The following CERS3 variants were observed in gnomAD, a reference collection of about 807,000 sequenced individuals.
The protein encoded by CERS3 is ceramide synthase 3, also known as LAG1 homolog, ceramide synthase 3.
CERS3 carries 33 observed loss-of-function variants against 50.3 expected under a neutral mutation model. The ratio of observed to expected loss-of-function variants is 0.66; its 90% CI spans 0.50 to 0.88. The LOEUF (loss-of-function observed/expected upper bound fraction) is 0.88. Ranked by LOEUF, CERS3 falls within the 40% of genes least tolerant of loss-of-function variation. The probability of loss-of-function intolerance (pLI) is 0.00; values close to 1 mark genes in which losing one functional copy is unlikely to be tolerated. For synonymous variants in CERS3, 176 were observed against 155.2 expected (o/e 1.13, Z -0.99); for missense variants, 470 against 460.3 (o/e 1.02, Z -0.19).
At chr15:100,478,004 T>C (rs2035184971) in intron 7 of CERS3, among the ~76,000 whole-genome samples, 1 of 152,150 alleles carries the variant, frequency 6.6e-6, no homozygotes, top group African/African-American at 2.4e-5. Context: ...ATCTATACTT[T>C]TTTGTATACA....
At chr15:100,402,977 C>A (rs1218345256) in intron 11 of CERS3, 112 bp from the exon 12 acceptor site, 4 of 1,045,518 alleles carry the variant, frequency 3.8e-6, no homozygotes, top group Non-Finnish European at 4.1e-6. Context: ...ACCCAATATC[C>A]AAATAACTAA....
At chr15:100,436,252 G>T (rs1011795123) in intron 11 of CERS3, among the ~76,000 whole-genome samples, 2 of 152,146 alleles carry the variant, frequency 1.3e-5, no homozygotes, top group African/African-American at 4.8e-5. Context: ...ACTGGATAAA[G>T]AAAATGTGGC....
intron 1 of CERS3, among the ~76,000 whole-genome samples, chr15:100,526,042 G>C (rs543546298): frequency 1.3e-5 from 2 of 152,290 alleles, no homozygotes; most frequent in African/African-American, 2.4e-5. Flanking sequence ...ATTCCAGAGA[G>C]AGCTTCTCTG....
intron 5 of CERS3, among the ~76,000 whole-genome samples, chr15:100,480,773 T>C (rs1008183808): frequency 6.6e-6 from 1 of 152,204 alleles, no homozygotes; most frequent in African/African-American, 2.4e-5. Flanking sequence ...AAAGAGTTCT[T>C]ATCTTTTCGA....
At chr15:100,472,174 G>T (rs2034989357) in intron 9 of CERS3, among the ~76,000 whole-genome samples, 1 of 152,138 alleles carries the variant, frequency 6.6e-6, no homozygotes, top group Non-Finnish European at 1.5e-5. Context: ...ATTTCCCCTG[G>T]ATTCATTATA....
At chr15:100,506,888 A>T (rs2036201652) in intron 2 of CERS3, among the ~76,000 whole-genome samples, 1 of 152,234 alleles carries the variant, frequency 6.6e-6, no homozygotes, top group Non-Finnish European at 1.5e-5. Context: ...CTGTAAATAT[A>T]CTAAAAAATA....
At chr15:100,472,347 TTTC>T (rs2034996259) in intron 9 of CERS3, among the ~76,000 whole-genome samples, 1 of 152,144 alleles carries the variant, frequency 6.6e-6, no homozygotes, top group Non-Finnish European at 1.5e-5. Flanking sequence ...CGTGGCTTTG[TTTC>T]TTCTATTTTG....
chr15:100,496,117 T>C (rs891041566), intron 3 of CERS3, among the ~76,000 whole-genome samples: 2 of 152,234 alleles, frequency 1.3e-5, no homozygotes, highest in South Asian at 2.1e-4. Context: ...TTCCTCTTCA[T>C]TGCAGAACAA....
At chr15:100,405,056 G>A (rs1282577107) in intron 11 of CERS3, among the ~76,000 whole-genome samples, 1 of 151,908 alleles carries the variant, frequency 6.6e-6, no homozygotes, top group East Asian at 1.9e-4. Flanking sequence ...TCTTAAACAC[G>A]GCACTAAAAA....
intron 11 of CERS3, among the ~76,000 whole-genome samples, chr15:100,431,049 T>C (rs2033106804): frequency 2.0e-5 from 3 of 152,214 alleles, no homozygotes; most frequent in Admixed American, 6.5e-5. Context: ...ATATTGTATT[T>C]CTAGCAGTCC....
intron 11 of CERS3, chr15:100,438,007 G>C (rs1193153464): frequency 1.4e-5 from 2 of 146,810 alleles, no homozygotes; most frequent in Non-Finnish European, 3.0e-5. Flanking sequence ...CTATGATCTT[G>C]ATTACTCATC....
Position 100,450,373 on chromosome 15 carries a change from G to A in CERS3, c.999+5520C>T, listed in dbSNP as rs185874659. 1.4e-3 allele frequency among the ~76,000 whole-genome samples: 194 copies of A among 143,610 alleles called. 1 individual carries two copies. The highest frequency in any genetic ancestry group is 4.2e-3 in the African/African-American group (162 of 38,160). The allele number at this position is 143,610 out of a possible 152,430, so 94.2% of individuals were successfully genotyped here. On this transcript the variant is annotated intron_variant, in intron 11 of 11. Transcript: ENST00000679737. ...GCAGAAGTTGCAGTGAGCCAAGATC[G>A]TGCCACTGCACTCCAGCCTGGCAAC...
chr15:100,530,287 C>A (rs2036906124), upstream of CERS3, among the ~76,000 whole-genome samples: 1 of 152,208 alleles, frequency 6.6e-6, no homozygotes, highest in African/African-American at 2.4e-5. Context: ...TTTTCTTCTG[C>A]TGATTAAACT....
intron 11 of CERS3, among the ~76,000 whole-genome samples, chr15:100,411,334 G>A (rs950010310): frequency 6.6e-6 from 1 of 152,036 alleles, no homozygotes; most frequent in Non-Finnish European, 1.5e-5. Flanking sequence ...GCTAATTTTT[G>A]TATTTTTAGT....
chr15:100,524,973 C>A (rs1372557320), intron 1 of CERS3, among the ~76,000 whole-genome samples: 1 of 152,126 alleles, frequency 6.6e-6, no homozygotes, highest in East Asian at 1.9e-4. Flanking sequence ...CATCTTAGAA[C>A]CTGAATATAG....
chr15:100,405,233 TAAAA>T (rs752244347), intron 11 of CERS3, among the ~76,000 whole-genome samples: 2 of 34,894 alleles, frequency 5.7e-5, no homozygotes, highest in African/African-American at 1.4e-4. Context: ...AACTCAATGG[TAAAA>T]AAAAAAAAAA....
chr15:100,403,132 TAGAA>T (rs761281986), intron 11 of CERS3, among the ~76,000 whole-genome samples: 1 of 152,044 alleles, frequency 6.6e-6, no homozygotes, highest in Non-Finnish European at 1.5e-5. Flanking sequence ...TCAAAACACT[TAGAA>T]AGTAAATAAG....
At chr15:100,539,344 C>G (rs1212708350) in intron 1 of CERS3, among the ~76,000 whole-genome samples, 2 of 152,182 alleles carry the variant, frequency 1.3e-5, no homozygotes, top group East Asian at 1.9e-4. Flanking sequence ...ACCCCACTCT[C>G]TGCAGTACTA....
chr15:100,533,101 T>C (rs548903652), upstream of CERS3, among the ~76,000 whole-genome samples: 1 of 152,278 alleles, frequency 6.6e-6, no homozygotes, highest in Non-Finnish European at 1.5e-5. Context: ...GGCCACTTGG[T>C]GAGAAAGTGA....
Sources: gnomAD v4.1 joint callset for allele counts (sites outside exome capture counted in the v4.1 genomes callset) on GRCh38, gnomAD v4.1.1 for gene constraint, MANE v1.5 for transcripts, NCBI Gene and HGNC (gene_info 2026-07-23, HGNC 2026-07-21) for gene names.